MCM6: variants seen among roughly 807,000 people sequenced by gnomAD.
The protein encoded by MCM6 is DNA replication licensing factor MCM6.
In MCM6, 46 loss-of-function variants were observed where a neutral mutation model predicts 94.3. The observed-to-expected ratio is 0.49, with a 90% CI of 0.39 to 0.62. MCM6 has a LOEUF of 0.62. Among genes scored for constraint, MCM6 ranks in the 20% least tolerant of loss-of-function variants. The pLI is 0.00. For synonymous variants in MCM6, 335 were observed against 351.9 expected, an observed-to-expected ratio of 0.95 and a Z score of 0.54; for missense variants, 865 against 1,017.9, an observed-to-expected ratio of 0.85 and a Z score of 2.04.
At position 135,848,262 on chromosome 2, in the gene MCM6, C is replaced by T. The variant is rs56229434; in HGVS notation, c.1918-74G>A. The T allele has an allele frequency of 3.8e-3, 4,285 of 1,127,832 alleles. 38 individuals are homozygous for T. Among genetic ancestry groups the T allele is most frequent in the South Asian group, 0.015 (1,070 of 72,572 alleles). The allele number at this position is 1,127,832 out of a possible 1,614,324, so 69.9% of individuals were successfully genotyped here. On this transcript the variant is annotated intron_variant, in intron 13 of 16. Transcript: ENST00000264156. ...AACAGATTTTCTCCCAATGAAATCA[C>T]AGTAGTATGTATTTTGGTTTTCTCA...
Position 135,866,401 on chromosome 2 carries a change from A to G in MCM6, c.782-124T>C. ...CTTAAGCCTTGAATACTTTCAGAAT[A>G]GCACCATTTGTGGCAAAACCAATTT... On this transcript the variant is annotated intron_variant, in intron 5 of 16. Transcript: ENST00000264156. 3 of 1,406,356 alleles carry G rather than the reference A, an allele frequency of 2.1e-6. No homozygotes were observed. In the East Asian group the frequency reaches 6.9e-5, roughly 32 times the overall value. 87.1% of individuals were successfully genotyped at this position (1,406,356 alleles called of 1,614,324 possible). A position where few individuals can be genotyped will look rare whatever the true frequency, so the allele number is the denominator to read the frequency against.
At chr2:135,864,459 C>T (rs182020836) in intron 7 of MCM6, among the ~76,000 whole-genome samples, 1 of 152,136 alleles carries the variant, frequency 6.6e-6, no homozygotes, top group East Asian at 1.9e-4. Flanking sequence ...AGCAAAACCC[C>T]GTCTCTCTAA....
chr2:135,864,398 G>C (rs4988184), intron 7 of MCM6, among the ~76,000 whole-genome samples: 8,703 of 152,188 alleles, frequency 0.057, 783 homozygotes, highest in African/African-American at 0.2. Context: ...TGGGGAGGCT[G>C]GAGGTAGGGT....
intron 3 of MCM6, 62 bp downstream of exon 3, chr2:135,870,189 T>A (rs1680174721): frequency 8.1e-7 from 1 of 1,229,966 alleles, no homozygotes; most frequent in Non-Finnish European, 1.2e-6. Flanking sequence ...TTTCTGACTG[T>A]CAGCTAAGTG....
chr2:135,850,653 G>T (rs983480075), intron 13 of MCM6, among the ~76,000 whole-genome samples: 1 of 152,148 alleles, frequency 6.6e-6, no homozygotes, highest in African/African-American at 2.4e-5. Flanking sequence ...GATTGAAGTC[G>T]GAACAGTGGT....
chr2:135,863,047 T>A (rs1265878135), intron 7 of MCM6, among the ~76,000 whole-genome samples: 1 of 152,214 alleles, frequency 6.6e-6, no homozygotes, highest in Non-Finnish European at 1.5e-5. Context: ...CCTTACCCAA[T>A]GCCTTAGCCC....
chr2:135,859,604 G>A (rs986638657), intron 8 of MCM6, among the ~76,000 whole-genome samples, 162 bp from the exon 9 acceptor site: 1 of 151,796 alleles, frequency 6.6e-6, no homozygotes, highest in Non-Finnish European at 1.5e-5. Context: ...TCTCTCCCTC[G>A]GCTTTTCTTT....
intron 1 of MCM6, 51 bp downstream of exon 1, chr2:135,876,208 G>A: frequency 2.1e-6 from 3 of 1,457,116 alleles, no homozygotes; most frequent in Non-Finnish European, 2.7e-6. Context: ...GCCTGGCCCA[G>A]ACGCCGCAGG....
In MCM6 at chr2:135,840,762, A is replaced by C. The variant is rs1679553330; in HGVS notation, c.*73T>G. ...CCAGAAACACTTCTGTCCCTAGCAG[A>C]GCTCCAGCCAGGCTCCAGGCCACGA... On this transcript the variant is annotated 3_prime_UTR_variant, in exon 17 of 17. Coordinates refer to ENST00000264156, the MANE Select transcript of MCM6 (RefSeq NM_005915.6). 1.0e-6 allele frequency: 1 copy of C among 983,258 alleles called. No individual in the cohort carries two copies. The highest frequency in any genetic ancestry group is 2.4e-5 in the East Asian group (1 of 41,944). 60.9% of individuals were successfully genotyped at this position (983,258 alleles called of 1,614,324 possible). A position where few individuals can be genotyped will look rare whatever the true frequency, so the allele number is the denominator to read the frequency against.
intron 3 of MCM6, among the ~76,000 whole-genome samples, chr2:135,869,897 C>T (rs1680171135): frequency 6.6e-6 from 1 of 152,200 alleles, no homozygotes; most frequent in Non-Finnish European, 1.5e-5. Flanking sequence ...GTGGGTATAA[C>T]TCCTACAAAA....
rs557541337 is a variant in MCM6 at position 135,847,285 on chromosome 2, C to G, written c.2053+768G>C. Among the ~76,000 whole-genome samples, 35 of 152,108 alleles carry G rather than the reference C, an allele frequency of 2.3e-4. 1 individual carries two copies. In the South Asian group the frequency reaches 3.7e-3, roughly 16 times the overall value. On this transcript the variant is annotated intron_variant, in intron 14 of 16. Coordinates refer to ENST00000264156, the MANE Select transcript of MCM6 (RefSeq NM_005915.6). The stretch of plus-strand genomic sequence containing the variant: ...TCAAAAAATTAGCCAGGAGTGGTGG[C>G]GTGGGCATATGTCCCAGCTATTAGA...
intron 1 of MCM6, among the ~76,000 whole-genome samples, chr2:135,874,986 G>A (rs977384068): frequency 6.6e-6 from 1 of 152,214 alleles, no homozygotes; most frequent in Non-Finnish European, 1.5e-5. Flanking sequence ...CATAATGAAA[G>A]GAAGCAGAGT....
intron 2 of MCM6, 70 bp downstream of exon 2, chr2:135,872,627 C>G (rs1056411564): frequency 2.8e-5 from 41 of 1,477,064 alleles, no homozygotes; most frequent in Middle Eastern, 3.5e-4. Flanking sequence ...TGAACACTTA[C>G]AGTCCAAGAA....
chr2:135,858,968 T>C (rs770134605), intron 9 of MCM6, among the ~76,000 whole-genome samples: 1 of 152,160 alleles, frequency 6.6e-6, no homozygotes, highest in Admixed American at 6.5e-5. Context: ...CTTGGCTCAA[T>C]GCAGCCTCCA....
At chr2:135,848,305 A>C in intron 13 of MCM6, 117 bp from the exon 14 acceptor site, 13 of 639,724 alleles carry the variant, frequency 2.0e-5, no homozygotes, top group Non-Finnish European at 3.0e-5. Context: ...ACACACTCTC[A>C]CAGTGTTGCT....
At chr2:135,852,180 A>C (rs905447196) in intron 12 of MCM6, among the ~76,000 whole-genome samples, 1 of 152,224 alleles carries the variant, frequency 6.6e-6, no homozygotes, top group Non-Finnish European at 1.5e-5. Context: ...ATGAATAATC[A>C]AGTGAAGATG....
In MCM6 at chr2:135,848,452, G is replaced by A. The variant is rs1040306420; in HGVS notation, c.1918-264C>T. Among the ~76,000 whole-genome samples the A allele has an allele frequency of 3.9e-5, 6 of 152,204 alleles. No homozygotes were observed. In the South Asian group the frequency reaches 8.3e-4, roughly 21 times the overall value. On this transcript the variant is annotated intron_variant, in intron 13 of 16. Transcript: ENST00000264156. ...AGGTAGAACAACTCTCATTCACAGC[G>A]GTGAAAACAGAAATTGACACAACTG...
At position 135,853,203 on chromosome 2, in the gene MCM6, T is replaced by A. The variant is rs4988225; in HGVS notation, c.1627-288A>T. On this transcript the variant is annotated intron_variant, in intron 11 of 16. Transcript: ENST00000264156. ...GGCTCACACTTGTAATCCCAACACT[T>A]TGGGAGACTGATGTGAGAGAAGAGC... Among the ~76,000 whole-genome samples the A allele has an allele frequency of 6.2e-3, 950 of 152,206 alleles. 11 individuals are homozygous for A. Among genetic ancestry groups the A allele is most frequent in the African/African-American group, 0.022 (912 of 41,532 alleles).
rs767781045 is a variant in MCM6 at position 135,868,766 on chromosome 2, C to T, written c.460G>A (p.Gly154Arg). The change falls in exon 4 of 17, where the codon GGA becomes AGA. Residue 154 changes from glycine to arginine, a missense_variant. This residue lies in a region of MCM6 where 404 missense variants were observed against 451.9 expected (regional missense o/e 0.89). Coordinates refer to ENST00000264156, the MANE Select transcript of MCM6 (RefSeq NM_005915.6). ...TGACAGTCCAAGCACAGAAAAGTTC[C>T]GCTCACAAGCTCTGGGTGAACTGGG... ...THPVHPELVS[G>R]TFLCLDCQTV... is the part of the protein sequence containing the mutation. The T allele has an allele frequency of 1.1e-5, 17 of 1,614,052 alleles. No individual in the cohort carries two copies. Among genetic ancestry groups the T allele is most frequent in the African/African-American group, 2.7e-5 (2 of 74,912 alleles).
Sources: gnomAD v4.1 joint callset for allele counts (sites outside exome capture counted in the v4.1 genomes callset) on GRCh38, gnomAD v4.1.1 for gene constraint, gnomAD v4.1.1 regional missense constraint, MANE v1.5 for transcripts, NCBI Gene and HGNC (gene_info 2026-07-23, HGNC 2026-07-21) for gene names.